Variants in HTR3B observed in about 807,000 individuals in gnomAD.
HTR3B encodes 5-hydroxytryptamine receptor 3B, also known as 5-hydroxytryptamine (serotonin) receptor 3B, ionotropic.
In HTR3B, 44 loss-of-function variants were observed where a neutral mutation model predicts 42.8. That is an observed-to-expected ratio of 1.03 (90% CI 0.81 to 1.32). The LOEUF (loss-of-function observed/expected upper bound fraction) is 1.32. Ranked by LOEUF, HTR3B falls within the 40% of genes most tolerant of loss-of-function variation. The pLI, the probability that HTR3B is intolerant of heterozygous loss-of-function variation, is 0.00. For synonymous variants in HTR3B, 203 were observed against 209.0 expected (o/e 0.97, Z 0.25); for missense variants, 527 against 536.5 (o/e 0.98, Z 0.17).
Position 113,928,548 on chromosome 11 carries a change from T to A in HTR3B, c.214-2836T>A, listed in dbSNP as rs573752775. Among the ~76,000 whole-genome samples, 3 of 152,086 alleles carry A rather than the reference T, an allele frequency of 2.0e-5. No individual in the cohort carries two copies. The East Asian group carries it at 5.8e-4, about 29-fold the overall frequency. On this transcript the variant is annotated intron_variant, in intron 2 of 8. Coordinates refer to ENST00000260191, the MANE Select transcript of HTR3B (RefSeq NM_006028.5). ...CATGTGTCAGAATTTGCTTCCTTCC[T>A]TTTTTTTGAGACGGAGTATCATTCT...
chr11:113,926,531 T>C (rs1949976340), intron 2 of HTR3B, among the ~76,000 whole-genome samples: 1 of 147,200 alleles, frequency 6.8e-6, no homozygotes, highest in Non-Finnish European at 1.5e-5. Flanking sequence ...TCCTTTCCTT[T>C]CCTTTTTTTC....
chr11:113,931,124 G>T (rs1479308279), intron 2 of HTR3B, among the ~76,000 whole-genome samples: 1 of 152,168 alleles, frequency 6.6e-6, no homozygotes, highest in Non-Finnish European at 1.5e-5. Context: ...GTGGGAAAGA[G>T]ATTAGCAAAT....
rs114208902 is a variant in HTR3B at position 113,905,981 on chromosome 11, G to A, written c.52+996G>A. Reference sequence around the variant, plus strand: ...AAAAACAGAGGAAGTGTCATTAAATGCCAAATGGGTTTCTTAGTAGAAAAT... The same window carrying A: ...AAAAACAGAGGAAGTGTCATTAAATACCAAATGGGTTTCTTAGTAGAAAAT... On this transcript the variant is annotated intron_variant, in intron 1 of 8. Coordinates refer to ENST00000260191, the MANE Select transcript of HTR3B (RefSeq NM_006028.5). 9.0e-3 allele frequency among the ~76,000 whole-genome samples: 1,368 copies of A among 152,314 alleles called. 22 individuals carry two copies. Among genetic ancestry groups the A allele is most frequent in the African/African-American group, 0.031 (1,292 of 41,570 alleles).
In HTR3B at chr11:113,946,243, A is replaced by G; in HGVS notation, c.*106A>G. The G allele has an allele frequency of 1.2e-6, 1 of 847,596 alleles. No homozygotes were observed. The highest frequency in any genetic ancestry group is 1.9e-6 in the Non-Finnish European group (1 of 528,444). 52.5% of individuals were successfully genotyped at this position (847,596 alleles called of 1,614,324 possible). ...GGGTCGGGTGTGGTGGTTCTTGCCT[A>G]TAGTCCCAGTGCTTTGGGAGGCCAT... On this transcript the variant is annotated 3_prime_UTR_variant, in exon 9 of 9. Coordinates refer to ENST00000260191, the MANE Select transcript of HTR3B (RefSeq NM_006028.5).
chr11:113,942,018 T>C (rs184018700), intron 6 of HTR3B, among the ~76,000 whole-genome samples: 8 of 152,180 alleles, frequency 5.3e-5, no homozygotes, highest in Admixed American at 5.2e-4. Flanking sequence ...CCCGGAATGA[T>C]AGACACACAG....
rs1042743486 is a variant in HTR3B at position 113,946,379 on chromosome 11, A to C, written c.*242A>C. 7.3e-5 allele frequency: 14 copies of C among 190,880 alleles called. No individual in the cohort carries two copies. The highest frequency in any genetic ancestry group is 1.5e-4 in the Non-Finnish European group (14 of 94,480). 11.8% of individuals were successfully genotyped at this position (190,880 alleles called of 1,614,324 possible). On this transcript the variant is annotated 3_prime_UTR_variant, in exon 9 of 9. Coordinates refer to ENST00000260191, the MANE Select transcript of HTR3B (RefSeq NM_006028.5). ...AAATAAATAAATAAATAAATAAATA[A>C]ATAGCTGGGCATAGTGGCTCATGCC...
At chr11:113,924,036 A>G (rs1377880728) in intron 2 of HTR3B, among the ~76,000 whole-genome samples, 5 of 152,204 alleles carry the variant, frequency 3.3e-5, no homozygotes, top group African/African-American at 1.2e-4. Flanking sequence ...GAAATGAAAC[A>G]TGAAAACAGA....
chr11:113,942,586 C>T (rs1174451177), intron 6 of HTR3B, among the ~76,000 whole-genome samples: 1 of 152,198 alleles, frequency 6.6e-6, no homozygotes, highest in Non-Finnish European at 1.5e-5. Context: ...CTCTTTGAAA[C>T]TCAGTTTCCT....
At chr11:113,908,848 A>ATGTTT (rs1344657072) in intron 1 of HTR3B, 1 of 177,256 alleles carries the variant, frequency 5.6e-6, no homozygotes, top group African/African-American at 2.4e-5. Flanking sequence ...GGGTTTCTTC[A>ATGTTT]TGTTTTTTTG....
intron 1 of HTR3B, among the ~76,000 whole-genome samples, chr11:113,908,037 C>T (rs754139674): frequency 6.6e-6 from 1 of 152,188 alleles, no homozygotes; most frequent in Non-Finnish European, 1.5e-5. Context: ...TCCTGCACGC[C>T]TGAATAGCTA....
chr11:113,910,411 A>G (rs1471180529), intron 2 of HTR3B, among the ~76,000 whole-genome samples: 1 of 149,706 alleles, frequency 6.7e-6, no homozygotes, highest in Non-Finnish European at 1.5e-5. Context: ...TTTGATTTCA[A>G]TTGGTCCCAG....
chr11:113,898,954 G>A, the HTR3B span, among the ~76,000 whole-genome samples: 1 of 152,132 alleles, frequency 6.6e-6, no homozygotes. Context: ...TTTTAATGCA[G>A]CCGTAGAAAA....
chr11:113,909,498 T>C (rs1381118141), intron 2 of HTR3B, 43 bp downstream of exon 2: 5 of 1,543,116 alleles, frequency 3.2e-6, no homozygotes, highest in Non-Finnish European at 4.4e-6. Flanking sequence ...TAACGTCTTT[T>C]GAAACAGTCT....
chr11:113,939,001 A>C (rs1015795488), intron 6 of HTR3B, among the ~76,000 whole-genome samples: 4 of 152,230 alleles, frequency 2.6e-5, no homozygotes, highest in Non-Finnish European at 5.9e-5. Flanking sequence ...GTCTAAAAAA[A>C]AAAAACTAGT....
Position 113,948,724 on chromosome 11 carries a change from G to T in HTR3B, c.*2587G>T, listed in dbSNP as rs746602165. 6.6e-6 allele frequency among the ~76,000 whole-genome samples: 1 copy of T among 152,144 alleles called. No homozygotes were observed. The highest frequency in any genetic ancestry group is 1.5e-5 in the Non-Finnish European group (1 of 68,020). On this transcript the variant is annotated 3_prime_UTR_variant, in exon 9 of 9. Coordinates refer to ENST00000260191, the MANE Select transcript of HTR3B (RefSeq NM_006028.5). ...ACTAAAAATACAAAATTAGCCAGGC[G>T]TGGTGGCACATGCCTGTAATCCCAC...
At chr11:113,910,373 C>G (rs1035263748) in intron 2 of HTR3B, among the ~76,000 whole-genome samples, 2 of 151,860 alleles carry the variant, frequency 1.3e-5, no homozygotes, top group African/African-American at 4.8e-5. Flanking sequence ...ACCTCTTCCT[C>G]TTCCTCCTTT....
At chr11:113,944,546 A>C (rs368693277) in intron 7 of HTR3B, 27 bp from the exon 8 acceptor site, 10 of 1,606,108 alleles carry the variant, frequency 6.2e-6, no homozygotes, top group African/African-American at 1.3e-5. Flanking sequence ...ACTGGAGGCT[A>C]ACTGCACCTC....
chr11:113,924,802 C>T (rs1384153850), intron 2 of HTR3B, among the ~76,000 whole-genome samples: 1 of 151,970 alleles, frequency 6.6e-6, no homozygotes, highest in Non-Finnish European at 1.5e-5. Context: ...AAGGTTTTCA[C>T]TTTTTATACT....
At chr11:113,908,626 G>A (rs1387066277) in intron 1 of HTR3B, among the ~76,000 whole-genome samples, 1 of 152,200 alleles carries the variant, frequency 6.6e-6, no homozygotes, top group Non-Finnish European at 1.5e-5. Context: ...ACCAGTCACA[G>A]CTCCTCTACA....
Sources: allele counts gnomAD v4.1 joint callset (sites outside exome capture counted in the v4.1 genomes callset), GRCh38; gene constraint gnomAD v4.1.1; transcripts MANE v1.5; gene names NCBI Gene and HGNC (gene_info 2026-07-23, HGNC 2026-07-21).